The following MYO1E variants were observed in gnomAD, a reference collection of about 807,000 sequenced individuals.
The protein encoded by MYO1E is unconventional myosin-Ie.
A neutral mutation model predicts 151.1 loss-of-function variants in MYO1E; 68 were observed. The ratio of observed to expected loss-of-function variants is 0.45; its 90% CI spans 0.37 to 0.55. MYO1E has a LOEUF of 0.55. Ranked by LOEUF, MYO1E falls within the 20% of genes least tolerant of loss-of-function variation. The probability of loss-of-function intolerance (pLI) is 0.00; values close to 1 mark genes in which losing one functional copy is unlikely to be tolerated. For missense variants in MYO1E, 1,363 were observed against 1,389.3 expected, an observed-to-expected ratio of 0.98 and a Z score of 0.30; for synonymous variants, 601 against 501.7, an observed-to-expected ratio of 1.20 and a Z score of -2.64.
chr15:59,261,139 G>A (rs1166083371), intron 3 of MYO1E, among the ~76,000 whole-genome samples: 1 of 152,034 alleles, frequency 6.6e-6, no homozygotes, highest in Non-Finnish European at 1.5e-5. Context: ...TTTGAACCCG[G>A]AAGGCGGAGG....
At chr15:59,217,518 C>CT (rs1334637019) in intron 10 of MYO1E, among the ~76,000 whole-genome samples, 1 of 10,708 alleles carries the variant, frequency 9.3e-5, no homozygotes, top group Non-Finnish European at 2.1e-4. Context: ...AGTCGTTTTA[C>CT]CTTTTTTTTT....
intron 15 of MYO1E, 142 bp downstream of exon 15, chr15:59,205,258 G>A (rs2079825842): frequency 3.5e-6 from 3 of 853,348 alleles, no homozygotes; most frequent in South Asian, 1.3e-5. Flanking sequence ...AAACTCCTAG[G>A]ATCAAGTGAT....
At chr15:59,167,517 G>A (rs1446436015) in intron 22 of MYO1E, among the ~76,000 whole-genome samples, 1 of 152,138 alleles carries the variant, frequency 6.6e-6, no homozygotes, top group Non-Finnish European at 1.5e-5. Context: ...AGCAACTCTG[G>A]GAGGATCCTT....
At chr15:59,216,643 A>AGTGTGTGTGTGTGTGTGTGTGT (rs1301548766) in intron 10 of MYO1E, among the ~76,000 whole-genome samples, 2,223 of 43,292 alleles carry the variant, frequency 0.051, 351 homozygotes, top group Middle Eastern at 0.061. Context: ...AAGGGCCCCC[A>AGTGTGTGTGTGTGTGTGTGTGT]GTGTGTGTGT....
chr15:59,133,975 C>T lies in MYO1E; in HGVS notation c.*3405G>A, dbSNP rs2079357961. ...GAGTTTGTAATTCATAAAGGCACATCCATATTTTCTCTTACTCATTTTTGT... is the reference window on the plus strand; with the variant it reads ...GAGTTTGTAATTCATAAAGGCACATTCATATTTTCTCTTACTCATTTTTGT... On this transcript the variant is annotated 3_prime_UTR_variant, in exon 28 of 28. Transcript: ENST00000288235. 6.6e-6 allele frequency: 1 copy of T among 152,200 alleles called. No homozygotes were observed. The highest frequency in any genetic ancestry group is 2.4e-5 in the African/African-American group (1 of 41,448). The allele number at this position is 152,200 out of a possible 1,614,324, so 9.4% of individuals were successfully genotyped here.
chr15:59,227,919 C>T (rs1390478244), intron 6 of MYO1E, among the ~76,000 whole-genome samples: 1 of 152,168 alleles, frequency 6.6e-6, no homozygotes, highest in Non-Finnish European at 1.5e-5. Flanking sequence ...GGCATGGCAC[C>T]CTTTCAGAGG....
In MYO1E at chr15:59,135,542, C is replaced by A. The variant is rs1276100547; in HGVS notation, c.*1838G>T. The A allele has an allele frequency of 6.6e-6, 1 of 152,230 alleles. No individual in the cohort carries two copies. Among genetic ancestry groups the A allele is most frequent in the Non-Finnish European group, 1.5e-5 (1 of 68,042 alleles). 9.4% of individuals were successfully genotyped at this position (152,230 alleles called of 1,614,324 possible). The stretch of plus-strand genomic sequence containing the variant: ...AACAGGATTACCTTTCCTCAACTCA[C>A]CGCATCATGGCTCTACTTTCCTCTC... On this transcript the variant is annotated 3_prime_UTR_variant, in exon 28 of 28. Coordinates refer to ENST00000288235, the MANE Select transcript of MYO1E (RefSeq NM_004998.4).
chr15:59,359,321 T>C (rs1025446816), intron 1 of MYO1E, among the ~76,000 whole-genome samples: 14 of 139,346 alleles, frequency 1.0e-4, no homozygotes, highest in Admixed American at 2.9e-4. Flanking sequence ...ATAATATATA[T>C]ATATATTTTT....
intron 1 of MYO1E, among the ~76,000 whole-genome samples, chr15:59,342,089 AC>A (rs1319147936): frequency 6.6e-6 from 1 of 152,070 alleles, no homozygotes; most frequent in Non-Finnish European, 1.5e-5. Flanking sequence ...GTGAGATGAT[AC>A]CTCATTGTAG....
chr15:59,326,525 A>T (rs1469214707), intron 1 of MYO1E, among the ~76,000 whole-genome samples: 3 of 152,234 alleles, frequency 2.0e-5, no homozygotes, highest in African/African-American at 7.2e-5. Context: ...CCATCTCAAA[A>T]AAAGGATTAT....
chr15:59,215,990 T>A (rs2079911531), intron 10 of MYO1E, among the ~76,000 whole-genome samples: 1 of 152,204 alleles, frequency 6.6e-6, no homozygotes, highest in Non-Finnish European at 1.5e-5. Context: ...CTGTTTAGTA[T>A]GACCCTGACC....
At chr15:59,145,961 G>A (rs899056273) in intron 26 of MYO1E, among the ~76,000 whole-genome samples, 5 of 152,104 alleles carry the variant, frequency 3.3e-5, no homozygotes, top group Non-Finnish European at 4.4e-5. Context: ...CTGCCCTCAC[G>A]ACAGCACAGG....
intron 1 of MYO1E, among the ~76,000 whole-genome samples, chr15:59,275,622 C>A (rs1417942753): frequency 6.6e-6 from 1 of 152,148 alleles, no homozygotes; most frequent in Non-Finnish European, 1.5e-5. Flanking sequence ...TTATTCTCCC[C>A]ACTCCCCTAA....
Position 59,171,957 on chromosome 15 carries a change from A to C in MYO1E, c.2420T>G (p.Leu807Arg). The C allele has an allele frequency of 6.2e-7, 1 of 1,614,182 alleles. No individual in the cohort carries two copies. Among genetic ancestry groups the C allele is most frequent in the Non-Finnish European group, 8.5e-7 (1 of 1,180,024 alleles). ...EKVKQGPDKG[L>R]VKEVLKRKIE... ...TTTCCGCTTCAGGACTTCTTTCACC[A>C]GGCCCTTGTCTGGGCCCTGTTTGAC... Residue 807 changes from leucine to arginine, a missense_variant, in exon 22 of 28, where the codon CTG (leucine) becomes CGG (arginine). Physicochemically the swap from Leu to Arg is moderately radical, Grantham distance 102 (BLOSUM62 -2). Transcript: ENST00000288235.
At position 59,233,665 on chromosome 15, in the gene MYO1E, A is replaced by AAAT. The variant is rs1247460475; in HGVS notation, c.421-1875_421-1874insATT. Among the ~76,000 whole-genome samples, 12 of 147,860 alleles carry AAAT rather than the reference A, an allele frequency of 8.1e-5. No individual in the cohort carries two copies. In the South Asian group the frequency reaches 8.5e-4, roughly 10 times the overall value. ...GCGACAGAGCGAGACTCCGTCTAAA[A>AAAT]AAAAAAAAAAAAAAAAAAAAGGCAG... On this transcript the variant is annotated intron_variant, in intron 5 of 27. Transcript: ENST00000288235.
In MYO1E at chr15:59,223,174, A is replaced by C; in HGVS notation, c.795T>G (p.Ile265Met). The C allele has an allele frequency of 1.2e-6, 2 of 1,614,166 alleles. No individual in the cohort carries two copies. Among genetic ancestry groups the C allele is most frequent in the South Asian group, 1.1e-5 (1 of 91,084 alleles). The change falls in exon 9 of 28, where the codon ATT becomes ATG. Residue 265 changes from isoleucine to methionine, a missense_variant. Coordinates refer to ENST00000288235, the MANE Select transcript of MYO1E (RefSeq NM_004998.4). ...GCGTTTGCTCTTCTGCAAAGATCCC[A>C]ATCACATTCATGGCGTGCTGGAAGA... is the stretch of plus-strand genomic sequence containing the variant. ...FQETLHAMNV[I>M]GIFAEEQTLV...
chr15:59,161,880 T>C (rs560779097), intron 23 of MYO1E, among the ~76,000 whole-genome samples: 1 of 151,144 alleles, frequency 6.6e-6, no homozygotes, highest in African/African-American at 2.4e-5. Context: ...TTTTCTGATA[T>C]CATAAGAAGG....
rs895728352 is a variant in MYO1E at position 59,255,498 on chromosome 15, G to A, written c.332+786C>T. On this transcript the variant is annotated intron_variant, in intron 4 of 27. Transcript: ENST00000288235. The stretch of plus-strand genomic sequence containing the variant: ...CAACCTCCTCATCCCAGGCTCAAGC[G>A]ATTCTCCCACCTCAGTCTCCCTAGT... 1.1e-4 allele frequency among the ~76,000 whole-genome samples: 16 copies of A among 152,114 alleles called. No homozygotes were observed. In the East Asian group the frequency reaches 1.5e-3, roughly 15 times the overall value.
chr15:59,179,890 G>T (rs1346090705), intron 18 of MYO1E, among the ~76,000 whole-genome samples: 1 of 152,256 alleles, frequency 6.6e-6, no homozygotes, highest in Non-Finnish European at 1.5e-5. Context: ...TGAAGTTGGA[G>T]GGCGTGGCCC....
Sources: gnomAD v4.1 joint callset for allele counts (sites outside exome capture counted in the v4.1 genomes callset) on GRCh38, gnomAD v4.1.1 for gene constraint, MANE v1.5 for transcripts, NCBI Gene and HGNC (gene_info 2026-07-23, HGNC 2026-07-21) for gene names.